ZNF326: variants seen among roughly 807,000 people sequenced by gnomAD.
ZNF326 encodes DBIRD complex subunit ZNF326.
A neutral mutation model predicts 63.1 loss-of-function variants in ZNF326; 30 were observed. The ratio of observed to expected loss-of-function variants is 0.48; its 90% CI spans 0.36 to 0.64. The LOEUF is 0.64. Among genes scored for constraint, ZNF326 ranks in the 30% least tolerant of loss-of-function variants. The probability of loss-of-function intolerance (pLI) is 0.00; values close to 1 mark genes in which losing one functional copy is unlikely to be tolerated. For synonymous variants in ZNF326, 194 were observed against 228.2 expected (o/e 0.85, Z 1.35); for missense variants, 609 against 720.3 (o/e 0.85, Z 1.77).
rs1038726433 is a variant in ZNF326 at position 90,031,450 on chromosome 1, A to T, written c.*3749A>T. Reference sequence around the variant, plus strand: ...TTGATTTATTTACCAAATTGTCCTTACTTTGAATATAAGCAAACTTTTTTA... The same window carrying T: ...TTGATTTATTTACCAAATTGTCCTTTCTTTGAATATAAGCAAACTTTTTTA... On this transcript the variant is annotated 3_prime_UTR_variant, in exon 12 of 12. Transcript: ENST00000340281. 6.6e-6 allele frequency: 1 copy of T among 152,176 alleles called. No homozygotes were observed. Among genetic ancestry groups the T allele is most frequent in the African/African-American group, 2.4e-5 (1 of 41,432 alleles). 9.4% of individuals were successfully genotyped at this position (152,176 alleles called of 1,614,324 possible).
intron 1 of ZNF326, among the ~76,000 whole-genome samples, 185 bp downstream of exon 1, chr1:89,995,458 C>T (rs1438836820): frequency 6.6e-6 from 1 of 152,220 alleles, no homozygotes; most frequent in African/African-American, 2.4e-5. Flanking sequence ...CGATTCGGCC[C>T]GCTCGGCGCC....
intron 9 of ZNF326, among the ~76,000 whole-genome samples, chr1:90,019,707 C>T (rs1176369006): frequency 6.6e-6 from 1 of 152,134 alleles, no homozygotes; most frequent in Non-Finnish European, 1.5e-5. Context: ...ATTGCTTATA[C>T]ATCTATGTTT....
intron 2 of ZNF326, among the ~76,000 whole-genome samples, chr1:89,999,353 A>C (rs1570932708): frequency 6.9e-6 from 1 of 144,836 alleles, no homozygotes; most frequent in Admixed American, 6.9e-5. Context: ...GGAGGGGAAG[A>C]GGGAGGGGGA....
chr1:90,026,527 A>T (rs1446929003), intron 11 of ZNF326, among the ~76,000 whole-genome samples: 5 of 152,160 alleles, frequency 3.3e-5, no homozygotes, highest in Non-Finnish European at 7.3e-5. Context: ...GCATATATAC[A>T]CTTCCTCCCC....
chr1:90,011,463 A>C (rs1001680705), intron 6 of ZNF326, among the ~76,000 whole-genome samples: 1 of 151,956 alleles, frequency 6.6e-6, no homozygotes, highest in East Asian at 1.9e-4. Context: ...TTCAAAGGCC[A>C]TCCAAAAGGA....
At chr1:89,998,206 A>G in intron 2 of ZNF326, 52 bp downstream of exon 2, 3 of 1,571,330 alleles carry the variant, frequency 1.9e-6, no homozygotes, top group African/African-American at 1.4e-5. Context: ...ATATAGTATC[A>G]ATGTAAAAGG....
At chr1:90,005,293 T>C in intron 4 of ZNF326, 49 bp downstream of exon 4, 1 of 1,583,762 alleles carries the variant, frequency 6.3e-7, no homozygotes, top group South Asian at 1.2e-5. Context: ...TATAAGATTT[T>C]GGATATATTA....
intron 4 of ZNF326, chr1:90,005,472 T>C (rs966787143): frequency 7.6e-6 from 9 of 1,190,432 alleles, no homozygotes; most frequent in Non-Finnish European, 9.4e-6. Flanking sequence ...GTCAATATAA[T>C]AGAGTAAGAT....
At chr1:90,023,626 A>G (rs1327006012) in intron 11 of ZNF326, among the ~76,000 whole-genome samples, 1 of 152,254 alleles carries the variant, frequency 6.6e-6, no homozygotes, top group Non-Finnish European at 1.5e-5. Context: ...AAAAAGAAGC[A>G]TCATAGCTAA....
At chr1:90,004,686 A>T (rs1056591622) in intron 2 of ZNF326, among the ~76,000 whole-genome samples, 1 of 152,168 alleles carries the variant, frequency 6.6e-6, no homozygotes. Context: ...GCCCATCTCT[A>T]TCAAAAATAC....
At chr1:90,004,901 A>T (rs1306189172) in intron 2 of ZNF326, 102 bp from the exon 3 acceptor site, 1 of 875,628 alleles carries the variant, frequency 1.1e-6, no homozygotes, top group Non-Finnish European at 1.7e-6. Flanking sequence ...TGTTAATGGT[A>T]AATTATCTCA....
At position 90,012,493 on chromosome 1, in the gene ZNF326, T is replaced by C. The variant is rs142618369; in HGVS notation, c.815-633T>C. ...TGCTTTATGGGATGATGAACAGTTCTGTAACTAGATAGTGGAGATGGTTGC... is the reference window on the plus strand; with the variant it reads ...TGCTTTATGGGATGATGAACAGTTCCGTAACTAGATAGTGGAGATGGTTGC... On this transcript the variant is annotated intron_variant, in intron 6 of 11. Transcript: ENST00000340281. 1.4e-3 allele frequency among the ~76,000 whole-genome samples: 206 copies of C among 152,350 alleles called. 1 individual carries two copies. Among genetic ancestry groups the C allele is most frequent in the African/African-American group, 4.6e-3 (191 of 41,580 alleles).
rs1650178539 is a variant in ZNF326 at position 90,029,688 on chromosome 1, A to G, written c.*1987A>G. The G allele has an allele frequency of 6.6e-6, 1 of 152,230 alleles. No homozygotes were observed. The allele number at this position is 152,230 out of a possible 1,614,324, so 9.4% of individuals were successfully genotyped here. Reference sequence around the variant, plus strand: ...TTGGGAAGAAAACCATTATGTAACAAGAATCCTATGTAACAACTGGGTAAA... The same window carrying G: ...TTGGGAAGAAAACCATTATGTAACAGGAATCCTATGTAACAACTGGGTAAA... On this transcript the variant is annotated 3_prime_UTR_variant, in exon 12 of 12. Transcript: ENST00000340281.
chr1:90,000,992 A>C (rs1468407478), intron 2 of ZNF326, among the ~76,000 whole-genome samples: 1 of 152,154 alleles, frequency 6.6e-6, no homozygotes, highest in Non-Finnish European at 1.5e-5. Context: ...TATGTAATTG[A>C]TAATGAAGTT....
chr1:90,025,816 G>A (rs1003447363), intron 11 of ZNF326, among the ~76,000 whole-genome samples: 11 of 152,078 alleles, frequency 7.2e-5, no homozygotes, highest in African/African-American at 2.7e-4. Context: ...ATTCTGTATT[G>A]ATGATTAACT....
chr1:90,015,659 G>A (rs1019804155), intron 7 of ZNF326, among the ~76,000 whole-genome samples: 3 of 152,140 alleles, frequency 2.0e-5, no homozygotes, highest in African/African-American at 7.2e-5. Flanking sequence ...CATAGCCTGG[G>A]CAACAGAGCA....
At chr1:90,005,554 AATG>A in intron 4 of ZNF326, 1 of 937,960 alleles carries the variant, frequency 1.1e-6, no homozygotes, top group South Asian at 5.0e-5. Context: ...TATCCTGAAA[AATG>A]ATATAAAAAT....
Position 90,028,486 on chromosome 1 carries a change from G to A in ZNF326, c.*785G>A, listed in dbSNP as rs1257921494. ...TTTTAAGTTTGTTCCTTTTCCCTGT[G>A]CCTGTGTCAAATCTTCAAGTCTTGC... On this transcript the variant is annotated 3_prime_UTR_variant, in exon 12 of 12. Transcript: ENST00000340281. 6.6e-6 allele frequency: 1 copy of A among 152,096 alleles called. No homozygotes were observed. Among genetic ancestry groups the A allele is most frequent in the East Asian group, 1.9e-4 (1 of 5,196 alleles). The allele number at this position is 152,096 out of a possible 1,614,324, so 9.4% of individuals were successfully genotyped here.
chr1:90,029,730 A>T lies in ZNF326; in HGVS notation c.*2029A>T, dbSNP rs191276423. On this transcript the variant is annotated 3_prime_UTR_variant, in exon 12 of 12. Coordinates refer to ENST00000340281, the MANE Select transcript of ZNF326 (RefSeq NM_182976.4). ...CTGGGTAAATGTTTTAGAATGAGAG[A>T]TAGGAAAGAACATCTAAATAGTACT... 6.6e-6 allele frequency: 1 copy of T among 152,316 alleles called. No homozygotes were observed. Among genetic ancestry groups the T allele is most frequent in the East Asian group, 1.9e-4 (1 of 5,190 alleles). 9.4% of individuals were successfully genotyped at this position (152,316 alleles called of 1,614,324 possible).
Sources: gnomAD v4.1 joint callset for allele counts (sites outside exome capture counted in the v4.1 genomes callset) on GRCh38, gnomAD v4.1.1 for gene constraint, MANE v1.5 for transcripts, NCBI Gene and HGNC (gene_info 2026-07-23, HGNC 2026-07-21) for gene names.